Variants in C1orf226 observed in about 807,000 individuals in gnomAD.
C1orf226 encodes the protein chromosome 1 open reading frame 226.
Under a neutral mutation model 10.5 loss-of-function variants are expected in C1orf226, and 4 were observed. The ratio of observed to expected loss-of-function variants is 0.38; its 90% confidence interval spans 0.19 to 0.87. The LOEUF (loss-of-function observed/expected upper bound fraction) is 0.87, where lower values mean the gene tolerates loss of function less well. Among genes scored for constraint, C1orf226 ranks in the 40% least tolerant of loss-of-function variants. C1orf226 has a pLI of 0.41. For synonymous variants in C1orf226, 125 were observed against 139.3 expected (o/e 0.90, Z 0.72); for missense variants, 313 against 336.2 (o/e 0.93, Z 0.54).
intron 1 of C1orf226, 116 bp downstream of exon 1, chr1:162,382,334 G>A: frequency 1.5e-6 from 2 of 1,308,030 alleles, no homozygotes. Context: ...GTGTGAGATT[G>A]TCCTGTACTG....
Position 162,382,013 on chromosome 1 carries a change from C to G in C1orf226, c.112C>G (p.Pro38Ala). 1 of 1,612,334 alleles carries G rather than the reference C, an allele frequency of 6.2e-7. No individual in the cohort carries two copies. The highest frequency in any genetic ancestry group is 8.5e-7 in the Non-Finnish European group (1 of 1,179,596). Residue 38 changes from proline to alanine, a missense_variant, in exon 1 of 2, where the codon CCT becomes GCT. Pro to Ala is a conservative substitution (Grantham distance 27, BLOSUM62 -1). Coordinates refer to ENST00000458626, the MANE Select transcript of C1orf226 (RefSeq NM_001085375.2). ...CTCTGCCCCTCTGGGCTCTGGTGAG[C>G]CTGGGGGGCCAGGACTCTGGGTGGG... ...PGSAPLGSGE[P>A]GGPGLWVGSS... is the part of the protein sequence containing the mutation.
Position 162,382,077 on chromosome 1 carries a change from G to A in C1orf226, c.176G>A (p.Gly59Glu), listed in dbSNP as rs1157555436. The A allele has an allele frequency of 6.2e-6, 10 of 1,601,804 alleles. No homozygotes were observed. The highest frequency in any genetic ancestry group is 1.7e-4 in the Middle Eastern group (1 of 6,060). ...CTCAAGAACCTGGGCAAAGCCATGG[G>A]GGCCAAAGTGAATGACTTCCTGAGG... Reference protein sequence around the residue: ...QHLKNLGKAMGAKVNDFLRRK... With the variant: ...QHLKNLGKAMEAKVNDFLRRK... The change falls in exon 1 of 2, where the codon GGG (glycine) becomes GAG (glutamate). Residue 59 changes from glycine (G) to glutamate (E), a missense_variant. Gly to Glu is a moderately conservative substitution (Grantham distance 98). Transcript: ENST00000458626.
chr1:162,380,484 AG>A (rs1455770432), upstream of C1orf226, among the ~76,000 whole-genome samples: 1 of 152,256 alleles, frequency 6.6e-6, no homozygotes, highest in African/African-American at 2.4e-5. Context: ...ATTCAGCAGA[AG>A]AAAAAGTACA....
chr1:162,379,261 A>C (rs546947997), upstream of C1orf226, among the ~76,000 whole-genome samples: 2 of 152,082 alleles, frequency 1.3e-5, no homozygotes, highest in East Asian at 3.9e-4. Context: ...CCCATTGCAC[A>C]TCCTCAGACA....
chr1:162,385,372 A>G lies in C1orf226; in HGVS notation c.*1689A>G, dbSNP rs895876019. On this transcript the variant is annotated 3_prime_UTR_variant, in exon 2 of 2. Coordinates refer to ENST00000458626, the MANE Select transcript of C1orf226 (RefSeq NM_001085375.2). ...TGCTAGGATGTGGGTTCCTTCCTGC[A>G]TGCTTGCTTCTGCAGCTGTGTGGCC... 4 of 152,218 alleles carry G rather than the reference A, an allele frequency of 2.6e-5. No individual in the cohort carries two copies. The highest frequency in any genetic ancestry group is 2.0e-4 in the Admixed American group (3 of 15,288). 9.4% of individuals were successfully genotyped at this position (152,218 alleles called of 1,614,324 possible).
Position 162,384,065 on chromosome 1 carries a change from A to C in C1orf226, c.*382A>C. 5.1e-6 allele frequency: 1 copy of C among 197,886 alleles called. No homozygotes were observed. Among genetic ancestry groups the C allele is most frequent in the Non-Finnish European group, 1.0e-5 (1 of 98,070 alleles). The allele number at this position is 197,886 out of a possible 1,614,324, so 12.3% of individuals were successfully genotyped here. A position where few individuals can be genotyped will look rare whatever the true frequency, so the allele number is the denominator to read the frequency against. ...GGAATTCTTTTTGCCTGTCCCCTAC[A>C]TGCGCCTCCTCCCCTGCTGTTCTCC... On this transcript the variant is annotated 3_prime_UTR_variant, in exon 2 of 2. Coordinates refer to ENST00000458626, the MANE Select transcript of C1orf226 (RefSeq NM_001085375.2).
upstream of C1orf226, among the ~76,000 whole-genome samples, chr1:162,381,379 T>A (rs1647902051): frequency 6.6e-6 from 1 of 152,324 alleles, no homozygotes; most frequent in Admixed American, 6.5e-5. Flanking sequence ...TCTGTAGACC[T>A]GAGGAGCTGC....
chr1:162,383,794 T>A lies in C1orf226; in HGVS notation c.*111T>A. On this transcript the variant is annotated 3_prime_UTR_variant, in exon 2 of 2. Transcript: ENST00000458626. ...CGCTGTGCCCTTTGTCTTCCTTGTA[T>A]GAGGCACCAGCAGAGAGCCAGTCGT... The A allele has an allele frequency of 9.1e-7, 1 of 1,102,666 alleles. No homozygotes were observed. Among genetic ancestry groups the A allele is most frequent in the Non-Finnish European group, 1.3e-6 (1 of 794,722 alleles). 68.3% of individuals were successfully genotyped at this position (1,102,666 alleles called of 1,614,324 possible). A position where few individuals can be genotyped will look rare whatever the true frequency, so the allele number is the denominator to read the frequency against.
At chr1:162,380,031 G>A (rs535641570), upstream of C1orf226, among the ~76,000 whole-genome samples, 6 of 152,324 alleles carry the variant, frequency 3.9e-5, no homozygotes, top group South Asian at 2.1e-4. Flanking sequence ...GCTAGTTTGC[G>A]GATGACGTGA....
chr1:162,382,473 C>A (rs897887092), intron 1 of C1orf226, among the ~76,000 whole-genome samples: 1 of 152,204 alleles, frequency 6.6e-6, no homozygotes, highest in Non-Finnish European at 1.5e-5. Flanking sequence ...CACACCATGT[C>A]CTCAGCTCTG....
chr1:162,386,427 G>A lies in C1orf226; in HGVS notation c.*2744G>A, dbSNP rs1294610165. On this transcript the variant is annotated 3_prime_UTR_variant, in exon 2 of 2. Coordinates refer to ENST00000458626, the MANE Select transcript of C1orf226 (RefSeq NM_001085375.2). ...TGAGAGGGCAGGGTAATGAGGAGGA[G>A]TAAAGGACCTATCTTCTCTGTCCAC... 1.3e-5 allele frequency: 2 copies of A among 152,278 alleles called. No homozygotes were observed. Among genetic ancestry groups the A allele is most frequent in the African/African-American group, 2.4e-5 (1 of 41,458 alleles). The allele number at this position is 152,278 out of a possible 1,614,324, so 9.4% of individuals were successfully genotyped here.
chr1:162,379,677 C>T (rs771026420), upstream of C1orf226, among the ~76,000 whole-genome samples: 8 of 152,004 alleles, frequency 5.3e-5, no homozygotes, highest in African/African-American at 1.2e-4. Context: ...GAATTCAGTG[C>T]GTTATAGACT....
At position 162,382,127 on chromosome 1, in the gene C1orf226, A is replaced by G; in HGVS notation, c.226A>G (p.Ser76Gly). 1 of 1,589,990 alleles carries G rather than the reference A, an allele frequency of 6.3e-7. No individual in the cohort carries two copies. The highest frequency in any genetic ancestry group is 8.6e-7 in the Non-Finnish European group (1 of 1,168,254). ...LRRKEPSSLG[S>G]VGVTEINKTA... is the part of the protein sequence containing the mutation. ...GAGAAAGGAGCCCTCCAGCCTGGGC[A>G]GTGTGGGTGTGACAGAGATCAACAA... The change falls in exon 1 of 2, where the codon AGT becomes GGT. Residue 76 changes from serine (S) to glycine (G), a missense_variant. Physicochemically the swap from Ser to Gly is moderately conservative, Grantham distance 56. Coordinates refer to ENST00000458626, the MANE Select transcript of C1orf226 (RefSeq NM_001085375.2).
At chr1:162,379,107 G>A, upstream of C1orf226, 1 of 937,128 alleles carries the variant, frequency 1.1e-6, no homozygotes, top group Non-Finnish European at 1.6e-6. Context: ...GCATGTTGGG[G>A]GGTACTGTTG....
At position 162,386,439 on chromosome 1, in the gene C1orf226, T is replaced by C. The variant is rs1402601908; in HGVS notation, c.*2756T>C. ...GTAATGAGGAGGAGTAAAGGACCTA[T>C]CTTCTCTGTCCACATAAGGAAGTTG... is the stretch of plus-strand genomic sequence containing the variant. On this transcript the variant is annotated 3_prime_UTR_variant, in exon 2 of 2. Transcript: ENST00000458626. 2 of 152,224 alleles carry C rather than the reference T, an allele frequency of 1.3e-5. No homozygotes were observed. The highest frequency in any genetic ancestry group is 4.8e-5 in the African/African-American group (2 of 41,440). The allele number at this position is 152,224 out of a possible 1,614,324, so 9.4% of individuals were successfully genotyped here. A position where few individuals can be genotyped will look rare whatever the true frequency, so the allele number is the denominator to read the frequency against.
rs767362145 is a variant in C1orf226 at position 162,383,642 on chromosome 1, G to A, written c.778G>A (p.Asp260Asn). ...PPPQARTSSL[D>N]NEGPHPDLLS... ...TCCTCAGGCACGGACCTCCAGCCTC[G>A]ACAATGAGGGCCCTCACCCAGACCT... The change falls in exon 2 of 2, where the codon GAC becomes AAC. Residue 260 changes from aspartate to asparagine, a missense_variant. By Grantham distance (23) the Asp-to-Asn change is conservative. Coordinates refer to ENST00000458626, the MANE Select transcript of C1orf226 (RefSeq NM_001085375.2). 19 of 1,608,918 alleles carry A rather than the reference G, an allele frequency of 1.2e-5. No individual in the cohort carries two copies. The highest frequency in any genetic ancestry group is 8.9e-5 in the South Asian group (8 of 90,102).
rs1648096062 is a variant in C1orf226, at chr1:162,385,941, G to A, written c.*2258G>A. 6.6e-6 allele frequency: 1 copy of A among 152,478 alleles called. No homozygotes were observed. Among genetic ancestry groups the A allele is most frequent in the Non-Finnish European group, 1.5e-5 (1 of 68,284 alleles). 9.4% of individuals were successfully genotyped at this position (152,478 alleles called of 1,614,324 possible). A position where few individuals can be genotyped will look rare whatever the true frequency, so the allele number is the denominator to read the frequency against. ...ACTCTATAGCCCAGCTGCTGCTGGA[G>A]TCCAGGACCTTAGACCCAGGATGAG... On this transcript the variant is annotated 3_prime_UTR_variant, in exon 2 of 2. Coordinates refer to ENST00000458626, the MANE Select transcript of C1orf226 (RefSeq NM_001085375.2).
upstream of C1orf226, among the ~76,000 whole-genome samples, chr1:162,380,712 T>C (rs1647877153): frequency 1.3e-5 from 2 of 152,124 alleles, no homozygotes; most frequent in Admixed American, 1.3e-4. Context: ...GATTTCCAGA[T>C]AGGGAGAGGA....
At chr1:162,380,281 A>G (rs543008332), upstream of C1orf226, among the ~76,000 whole-genome samples, 2 of 152,298 alleles carry the variant, frequency 1.3e-5, no homozygotes, top group African/African-American at 4.8e-5. Context: ...GGTGCAGGCC[A>G]CAGGGCTCAT....
Sources: allele counts gnomAD v4.1 joint callset (sites outside exome capture counted in the v4.1 genomes callset), GRCh38; gene constraint gnomAD v4.1.1; transcripts MANE v1.5; gene names NCBI Gene and HGNC (gene_info 2026-07-23, HGNC 2026-07-21).